Variants in PLEKHG7 observed in about 807,000 individuals in gnomAD.
PLEKHG7 encodes the protein pleckstrin homology domain-containing family G member 7.
In PLEKHG7, 77 loss-of-function variants were observed where a neutral mutation model predicts 85.2. The observed-to-expected ratio is 0.90, with a 90% CI of 0.75 to 1.09. The LOEUF (loss-of-function observed/expected upper bound fraction) is 1.09, where lower values mean the gene tolerates loss of function less well. Among genes scored for constraint, PLEKHG7 ranks in the 50% least tolerant of loss-of-function variants. PLEKHG7 has a pLI of 0.00. For synonymous variants in PLEKHG7, 301 were observed against 302.4 expected, an observed-to-expected ratio of 1.00 and a Z score of 0.05; for missense variants, 777 against 804.3, an observed-to-expected ratio of 0.97 and a Z score of 0.41.
At chr12:92,719,539 A>G (rs1448819017) in intron 3 of PLEKHG7, among the ~76,000 whole-genome samples, 2 of 152,246 alleles carry the variant, frequency 1.3e-5, no homozygotes, top group Non-Finnish European at 2.9e-5. Context: ...TCACTGGGCA[A>G]CATTCGTAGC....
intron 2 of PLEKHG7, 23 bp from the exon 3 acceptor site, chr12:92,707,627 T>A: frequency 1.9e-6 from 3 of 1,611,680 alleles, no homozygotes; most frequent in Non-Finnish European, 2.5e-6. Flanking sequence ...GACTAAAACA[T>A]ATGTTCTTAA....
At chr12:92,715,198 G>A (rs1013584169) in intron 3 of PLEKHG7, among the ~76,000 whole-genome samples, 3 of 152,182 alleles carry the variant, frequency 2.0e-5, no homozygotes, top group African/African-American at 7.2e-5. Context: ...AGGGCAGGAA[G>A]CATCCAGCAT....
At chr12:92,733,977 G>T (rs986943630) in intron 5 of PLEKHG7, among the ~76,000 whole-genome samples, 1 of 152,210 alleles carries the variant, frequency 6.6e-6, no homozygotes, top group Non-Finnish European at 1.5e-5. Flanking sequence ...TAAATGGTTG[G>T]CACTATGTTG....
At position 92,770,257 on chromosome 12, in the gene PLEKHG7, A is replaced by C. The variant is rs1331758478; in HGVS notation, c.*62A>C. The C allele has an allele frequency of 5.6e-6, 7 of 1,240,440 alleles. No individual in the cohort carries two copies. The Admixed American group carries it at 1.4e-4, about 24-fold the overall frequency. 76.8% of individuals were successfully genotyped at this position (1,240,440 alleles called of 1,614,324 possible). A position where few individuals can be genotyped will look rare whatever the true frequency, so the allele number is the denominator to read the frequency against. On this transcript the variant is annotated 3_prime_UTR_variant, in exon 17 of 17. Coordinates refer to ENST00000344636, the MANE Select transcript of PLEKHG7 (RefSeq NM_001377329.1). ...ATGGTTTAAGGTATAATTTCATTCA[A>C]AGTTTTGTAACACTTAGCTAGTGAT...
rs1266204617 is a variant in PLEKHG7 at position 92,737,477 on chromosome 12, A to G, written c.895A>G (p.Ser299Gly). 6.3e-7 allele frequency: 1 copy of G among 1,599,648 alleles called. No individual in the cohort carries two copies. The highest frequency in any genetic ancestry group is 1.4e-5 in the African/African-American group (1 of 73,938). Residue 299 changes from serine to glycine, a missense_variant, in exon 7 of 17, where the codon AGT becomes GGT. Ser to Gly is a moderately conservative substitution (Grantham distance 56). Transcript: ENST00000344636. ...AGAGGCCGTGTGGGAACTTTTCACA[A>G]GTGAATGCACCTATTTTTTGGACCA... ...QQEAVWELFTSECTYFLDHLL... is the reference protein window; with the variant it reads ...QQEAVWELFTGECTYFLDHLL...
intron 6 of PLEKHG7, 34 bp from the exon 7 acceptor site, chr12:92,737,344 A>C: frequency 7.2e-7 from 1 of 1,382,306 alleles, no homozygotes; most frequent in Non-Finnish European, 9.4e-7. Flanking sequence ...CTGAGGTGGA[A>C]ATGTTTTGTT....
At chr12:92,745,455 C>T (rs1476835118) in intron 9 of PLEKHG7, 23 bp from the exon 10 acceptor site, 2 of 1,503,074 alleles carry the variant, frequency 1.3e-6, no homozygotes, top group East Asian at 2.3e-5. Context: ...GTTCATCCTC[C>T]TTCTGCTCTT....
At chr12:92,737,115 T>G (rs1230329030) in intron 6 of PLEKHG7, among the ~76,000 whole-genome samples, 3 of 152,224 alleles carry the variant, frequency 2.0e-5, no homozygotes, top group African/African-American at 7.2e-5. Context: ...TGAATTGATT[T>G]GAATCTTAAA....
intron 5 of PLEKHG7, among the ~76,000 whole-genome samples, 170 bp from the exon 6 acceptor site, chr12:92,736,312 G>T (rs1464512013): frequency 5.9e-5 from 9 of 152,036 alleles, no homozygotes; most frequent in African/African-American, 1.7e-4. Flanking sequence ...TGGTTCTGCA[G>T]CTCCTACTAG....
chr12:92,710,843 G>T (rs916108365), intron 3 of PLEKHG7, among the ~76,000 whole-genome samples: 2 of 152,170 alleles, frequency 1.3e-5, no homozygotes, highest in Non-Finnish European at 2.9e-5. Context: ...GGGGAAAGAG[G>T]CTGAGTGGTG....
At chr12:92,735,505 C>A (rs1246554276) in intron 5 of PLEKHG7, among the ~76,000 whole-genome samples, 2 of 152,210 alleles carry the variant, frequency 1.3e-5, no homozygotes, top group Non-Finnish European at 2.9e-5. Flanking sequence ...TAGATCCATG[C>A]CAATATCGTG....
rs1246648828 is a variant in PLEKHG7 at position 92,736,498 on chromosome 12, A to G, written c.716A>G (p.Lys239Arg). The G allele has an allele frequency of 8.1e-7, 1 of 1,231,790 alleles. No homozygotes were observed. Among genetic ancestry groups the G allele is most frequent in the African/African-American group, 1.6e-5 (1 of 64,406 alleles). The allele number at this position is 1,231,790 out of a possible 1,614,324, so 76.3% of individuals were successfully genotyped here. ...TTCGAGCAGGGCAAAGACAAACACA[A>G]GCACATATCTGATCTGGAAAACTGC... ...SKRGVGKDKHKHISDLENCLS... is the reference protein window; with the variant it reads ...SKRGVGKDKHRHISDLENCLS... Residue 239 changes from lysine (K) to arginine (R), a missense_variant, in exon 6 of 17, where the codon AAG (lysine) becomes AGG (arginine). Lys to Arg is a conservative substitution (Grantham distance 26, BLOSUM62 2). Transcript: ENST00000344636.
intron 7 of PLEKHG7, 46 bp from the exon 8 acceptor site, chr12:92,740,807 A>C (rs561222204): frequency 1.5e-6 from 2 of 1,378,404 alleles, no homozygotes; most frequent in African/African-American, 1.5e-5. Context: ...GCATGTTGCA[A>C]AATTAAAAAA....
chr12:92,755,335 C>T (rs1333060887), intron 11 of PLEKHG7, among the ~76,000 whole-genome samples: 1 of 152,160 alleles, frequency 6.6e-6, no homozygotes, highest in Admixed American at 6.5e-5. Context: ...CCCTCAATAG[C>T]AACATGTTAT....
chr12:92,705,630 G>A (rs1871208983), intron 1 of PLEKHG7, among the ~76,000 whole-genome samples: 1 of 152,248 alleles, frequency 6.6e-6, no homozygotes. Flanking sequence ...GGCCAGGGAA[G>A]ATGGGTCTCT....
chr12:92,729,009 C>G lies in PLEKHG7; in HGVS notation c.547C>G (p.Arg183Gly), dbSNP rs553676122. Residue 183 changes from arginine (R) to glycine (G), a missense_variant, in exon 4 of 17, where the codon CGG becomes GGG. Around this residue, in one of 3 missense-constraint regions of PLEKHG7, gnomAD observed 252 missense variants for 241.9 expected, o/e 1.04. Coordinates refer to ENST00000344636, the MANE Select transcript of PLEKHG7 (RefSeq NM_001377329.1). ...TGAGCACAGGTTCTACGAGCACAGG[C>G]GGAGTTCTGTGGTGCTGAACTTACC... is the stretch of plus-strand genomic sequence containing the variant. ...LHPSRFYEHR[R>G]SSVVLNLPGL... 2.4e-6 allele frequency: 3 copies of G among 1,231,750 alleles called. No homozygotes were observed. 76.3% of individuals were successfully genotyped at this position (1,231,750 alleles called of 1,614,324 possible).
chr12:92,733,549 TG>T (rs1872053116), intron 5 of PLEKHG7, among the ~76,000 whole-genome samples: 1 of 152,192 alleles, frequency 6.6e-6, no homozygotes, highest in Non-Finnish European at 1.5e-5. Context: ...AGACGTGCTT[TG>T]TCTGTTTTTC....
At chr12:92,721,336 T>G in intron 3 of PLEKHG7, 3 of 624,186 alleles carry the variant, frequency 4.8e-6, no homozygotes, top group Non-Finnish European at 6.9e-6. Flanking sequence ...TGCTCAGCAG[T>G]GGGGTTGGGG....
chr12:92,741,335 T>C (rs920181975), intron 8 of PLEKHG7, among the ~76,000 whole-genome samples, 156 bp from the exon 9 acceptor site: 4 of 152,144 alleles, frequency 2.6e-5, no homozygotes, highest in Non-Finnish European at 5.9e-5. Flanking sequence ...TAAGAAAATA[T>C]ATATTGGAGA....
Sources: allele counts gnomAD v4.1 joint callset (sites outside exome capture counted in the v4.1 genomes callset), GRCh38; gene constraint gnomAD v4.1.1; regional missense constraint gnomAD v4.1.1; transcripts MANE v1.5; gene names NCBI Gene and HGNC (gene_info 2026-07-23, HGNC 2026-07-21).